The following CCNE1 variants were observed in gnomAD, a reference collection of about 807,000 sequenced individuals.
CCNE1 encodes cyclin E1.
Under a neutral mutation model 54.1 loss-of-function variants are expected in CCNE1, and 8 were observed. That is an observed-to-expected ratio of 0.15 (90% CI 0.09 to 0.27). The LOEUF (loss-of-function observed/expected upper bound fraction) is 0.27. Ranked by LOEUF, CCNE1 falls within the 10% of genes least tolerant of loss-of-function variation. The pLI is 1.00. For synonymous variants in CCNE1, 179 were observed against 185.2 expected (o/e 0.97, Z 0.27); for missense variants, 430 against 514.9 (o/e 0.84, Z 1.60).
At chr19:29,821,577 C>A (rs1029275930) in intron 7 of CCNE1, 145 bp from the exon 8 acceptor site, 75 of 212,010 alleles carry the variant, frequency 3.5e-4, no homozygotes, top group Non-Finnish European at 5.7e-4. Context: ...TTTTTACAAC[C>A]ATTGGTGTGG....
chr19:29,819,400 A>T (rs1229685598), intron 6 of CCNE1, among the ~76,000 whole-genome samples: 2 of 150,670 alleles, frequency 1.3e-5, no homozygotes, highest in Non-Finnish European at 1.5e-5. Context: ...CTCCCACCTC[A>T]GCCTCCGCAG....
In CCNE1 at chr19:29,822,290, T is replaced by C. The variant is rs200858398; in HGVS notation, c.891T>C (p.Gly297=). The C allele has an allele frequency of 9.3e-6, 15 of 1,614,158 alleles. No individual in the cohort carries two copies. The highest frequency in any genetic ancestry group is 2.7e-5 in the African/African-American group (2 of 75,036). The change falls in exon 10 of 12, where the codon GGT becomes GGC. Residue 297 remains glycine, a synonymous_variant. Transcript: ENST00000262643. ...TTGACTGCCTTGAATTTCCTTATGG[T>C]ATACTTGCTGCTTCGGCCTTGTATC... The part of the protein sequence containing the change: ...LDVDCLEFPY[G]ILAASALYHF...
intron 6 of CCNE1, among the ~76,000 whole-genome samples, chr19:29,819,352 G>A (rs576160831): frequency 6.6e-6 from 1 of 151,612 alleles, no homozygotes; most frequent in Admixed American, 6.6e-5. Context: ...GTGCAGTCAC[G>A]GCTCACTGCA....
chr19:29,821,591 C>A, intron 7 of CCNE1, 131 bp from the exon 8 acceptor site: 34 of 162,374 alleles, frequency 2.1e-4, no homozygotes, highest in East Asian at 2.8e-4. Flanking sequence ...GGTGTGGCTT[C>A]TGTGTTAATT....
At chr19:29,821,119 C>T (rs1172200502) in intron 7 of CCNE1, among the ~76,000 whole-genome samples, 12 of 151,964 alleles carry the variant, frequency 7.9e-5, no homozygotes. Flanking sequence ...TAATTTTGGG[C>T]CCGGGTTGGT....
At position 29,822,043 on chromosome 19, in the gene CCNE1, T is replaced by C; in HGVS notation, c.753T>C (p.Asn251=). The C allele has an allele frequency of 6.2e-7, 1 of 1,613,968 alleles. No homozygotes were observed. The highest frequency in any genetic ancestry group is 8.5e-7 in the Non-Finnish European group (1 of 1,179,818). Residue 251 remains asparagine (N), a synonymous_variant, in exon 9 of 12, where the codon AAT becomes AAC. Transcript: ENST00000262643. ...CCCTGACTATTGTGTCCTGGCTGAA[T>C]GTATACATGCAGGTTGCATATCTAA... ...LSPLTIVSWL[N]VYMQVAYLND...
At chr19:29,815,879 G>C (rs909494230) in intron 4 of CCNE1, among the ~76,000 whole-genome samples, 1 of 151,640 alleles carries the variant, frequency 6.6e-6, no homozygotes, top group East Asian at 1.9e-4. Flanking sequence ...AAAATGCCAG[G>C]TGCGGTGGCT....
rs1165675582 is a variant in CCNE1 at position 29,818,075 on chromosome 19, A to G, written c.462+534A>G. ...GGAGTCTTGCTCTGTCACCCAGGCT[A>G]GAGTGCAGTGGTGCGATCTCAGCTT... On this transcript the variant is annotated intron_variant, in intron 6 of 11. Transcript: ENST00000262643. Among the ~76,000 whole-genome samples the G allele has an allele frequency of 7.3e-5, 10 of 137,912 alleles. No homozygotes were observed. The South Asian group carries it at 9.2e-4, about 13-fold the overall frequency. The allele number at this position is 137,912 out of a possible 152,430, so 90.5% of individuals were successfully genotyped here.
At chr19:29,814,803 T>G (rs1270348364) in intron 4 of CCNE1, among the ~76,000 whole-genome samples, 1 of 152,236 alleles carries the variant, frequency 6.6e-6, no homozygotes, top group Non-Finnish European at 1.5e-5. Context: ...CATCTTAGGC[T>G]GTTCTTAATG....
intron 4 of CCNE1, among the ~76,000 whole-genome samples, chr19:29,816,534 A>G (rs978822448): frequency 8.5e-5 from 13 of 152,198 alleles, no homozygotes; most frequent in Admixed American, 8.5e-4. Flanking sequence ...TTTGGTTTTA[A>G]CTAGGTGGAT....
chr19:29,817,072 T>C (rs1302182057), intron 4 of CCNE1, 65 bp from the exon 5 acceptor site: 5 of 1,519,426 alleles, frequency 3.3e-6, no homozygotes, highest in Non-Finnish European at 3.6e-6. Context: ...ATTTGTAATG[T>C]TTTTGGGTAA....
chr19:29,819,278 A>G (rs1482156463), intron 6 of CCNE1, among the ~76,000 whole-genome samples: 1 of 151,430 alleles, frequency 6.6e-6, no homozygotes, highest in African/African-American at 2.4e-5. Flanking sequence ...AGATATTTGG[A>G]CCATTGGAGT....
At chr19:29,816,537 A>C (rs1260287490) in intron 4 of CCNE1, among the ~76,000 whole-genome samples, 2 of 152,182 alleles carry the variant, frequency 1.3e-5, no homozygotes, top group East Asian at 3.8e-4. Flanking sequence ...GGTTTTAACT[A>C]GGTGGATGTT....
rs1784156606 is a variant in CCNE1, at chr19:29,824,116, C to CA, written c.*340dup. ...GGCCACGGTGGCGTGGCTCTCCTCG[C>CA]AGGTGTTCTGGGCTCCGTTGTACCA... On this transcript the variant is annotated 3_prime_UTR_variant, in exon 12 of 12. Coordinates refer to ENST00000262643, the MANE Select transcript of CCNE1 (RefSeq NM_001238.4). 3.5e-6 allele frequency: 1 copy of CA among 286,076 alleles called. No homozygotes were observed. The highest frequency in any genetic ancestry group is 4.9e-5 in the Admixed American group (1 of 20,270). The allele number at this position is 286,076 out of a possible 1,614,324, so 17.7% of individuals were successfully genotyped here.
chr19:29,816,258 C>T (rs1466342777), intron 4 of CCNE1, among the ~76,000 whole-genome samples: 1 of 151,176 alleles, frequency 6.6e-6, no homozygotes, highest in African/African-American at 2.4e-5. Context: ...TATTTTATAA[C>T]TTTAAAAATC....
chr19:29,821,969 G>C (rs2145728634), intron 8 of CCNE1, 27 bp from the exon 9 acceptor site: 1 of 1,597,462 alleles, frequency 6.3e-7, no homozygotes, highest in Admixed American at 1.7e-5. Flanking sequence ...TCAATCATCG[G>C]TCTCTTTTCT....
At position 29,812,692 on chromosome 19, in the gene CCNE1, TG is replaced by T; in HGVS notation, c.28del (p.Ala10ArgfsTer7). MPRERRERD[A>X]KERDTMKEDG... ...CCGGTGCCACCCGGGTCCACAGGGA[TG>T]CGAAGGAGCGGGACACCATGAAGGA... On this transcript the variant is annotated frameshift_variant, in exon 3 of 12. Transcript: ENST00000262643. LOFTEE classifies it high-confidence loss of function. The T allele has an allele frequency of 6.3e-7, 1 of 1,585,994 alleles. No homozygotes were observed. Among genetic ancestry groups the T allele is most frequent in the Non-Finnish European group, 8.6e-7 (1 of 1,168,470 alleles).
chr19:29,813,140 T>G lies in CCNE1; in HGVS notation c.180+103T>G, dbSNP rs1973935432. On this transcript the variant is annotated intron_variant, in intron 4 of 11. Coordinates refer to ENST00000262643, the MANE Select transcript of CCNE1 (RefSeq NM_001238.4). Reference sequence around the variant, plus strand: ...CTTGCTGGAGACACTCTGGTGAGAGTGAACTTCTCTAATGCAGCCACAGCC... The same window carrying G: ...CTTGCTGGAGACACTCTGGTGAGAGGGAACTTCTCTAATGCAGCCACAGCC... 6.6e-6 allele frequency: 7 copies of G among 1,060,224 alleles called. No homozygotes were observed. In the Admixed American group the frequency reaches 1.3e-4, roughly 20 times the overall value. 65.7% of individuals were successfully genotyped at this position (1,060,224 alleles called of 1,614,324 possible).
intron 3 of CCNE1, 77 bp downstream of exon 3, chr19:29,812,853 G>A (rs1973927025): frequency 6.3e-7 from 1 of 1,583,670 alleles, no homozygotes; most frequent in East Asian, 2.2e-5. Flanking sequence ...GCCTACGGGG[G>A]CGGGGGTCCC....
Sources: allele counts gnomAD v4.1 joint callset (sites outside exome capture counted in the v4.1 genomes callset), GRCh38; gene constraint gnomAD v4.1.1; transcripts MANE v1.5; gene names NCBI Gene and HGNC (gene_info 2026-07-23, HGNC 2026-07-21).